ZNF565: variants seen among roughly 807,000 people sequenced by gnomAD.
ZNF565 encodes zinc finger protein 565.
ZNF565 carries 27 observed loss-of-function variants against 39.4 expected under a neutral mutation model. The ratio of observed to expected loss-of-function variants is 0.69; its 90% CI spans 0.51 to 0.95. The LOEUF is 0.95. Among genes scored for constraint, ZNF565 ranks in the 40% least tolerant of loss-of-function variants. ZNF565 has a pLI of 0.00. For synonymous variants in ZNF565, 185 were observed against 216.6 expected (o/e 0.85, Z 1.28); for missense variants, 524 against 621.1 (o/e 0.84, Z 1.66).
At position 36,194,210 on chromosome 19, in the gene ZNF565, T is replaced by C. The variant is rs201767697; in HGVS notation, c.232+23A>G. On this transcript the variant is annotated intron_variant, in intron 4 of 4. Coordinates refer to ENST00000304116, the MANE Select transcript of ZNF565 (RefSeq NM_152477.5). The stretch of plus-strand genomic sequence containing the variant: ...GTCGACTCATCCAGGGACCTTCCCC[T>C]GTCGAAATCGGCCCTCGCTTACCTG... 4.0e-5 allele frequency: 64 copies of C among 1,593,734 alleles called. No homozygotes were observed. In the East Asian group the frequency reaches 1.0e-3, roughly 26 times the overall value.
chr19:36,198,456 G>A (rs891318654), intron 2 of ZNF565, among the ~76,000 whole-genome samples: 2 of 152,172 alleles, frequency 1.3e-5, no homozygotes, highest in African/African-American at 4.8e-5. Context: ...GTCATAGAGA[G>A]TAGAAGGATG....
chr19:36,220,540 A>AT (rs1358656611), intron 1 of ZNF565, among the ~76,000 whole-genome samples: 1 of 151,750 alleles, frequency 6.6e-6, no homozygotes, highest in Admixed American at 6.6e-5. Flanking sequence ...AAGTTTTTGT[A>AT]TTTTTAGTAG....
intron 1 of ZNF565, among the ~76,000 whole-genome samples, chr19:36,228,096 G>T (rs932169389): frequency 4.6e-5 from 7 of 151,166 alleles, no homozygotes; most frequent in African/African-American, 1.5e-4. Flanking sequence ...GGAGGCGGTG[G>T]TTGCAGTGGG....
chr19:36,234,361 C>CAA (rs374641166), intron 1 of ZNF565, among the ~76,000 whole-genome samples: 25 of 150,318 alleles, frequency 1.7e-4, no homozygotes, highest in African/African-American at 5.6e-4. Flanking sequence ...AAGACTGTCT[C>CAA]AAAAAAAAAG....
chr19:36,195,227 T>G (rs1238912013), intron 2 of ZNF565, 71 bp from the exon 3 acceptor site: 2 of 1,550,384 alleles, frequency 1.3e-6, no homozygotes, highest in African/African-American at 2.7e-5. Flanking sequence ...ATTTTCAAGA[T>G]GCACAAAAGT....
rs370939032 is a variant in ZNF565, at chr19:36,240,182, T to C, written c.55+5294A>G. ...CCCTGGATGGAAAGTGTTTAAAATA[T>C]ACAACAATTTTAAAAATACAAATGT... On this transcript the variant is annotated intron_variant, in intron 1 of 4. Transcript: ENST00000355114. 5.3e-5 allele frequency among the ~76,000 whole-genome samples: 8 copies of C among 152,356 alleles called. No individual in the cohort carries two copies. In the East Asian group the frequency reaches 1.5e-3, roughly 29 times the overall value.
intron 3 of ZNF565, chr19:36,194,804 G>C (rs1975696944): frequency 4.6e-6 from 3 of 651,550 alleles, no homozygotes; most frequent in African/African-American, 1.8e-5. Flanking sequence ...GGAGGAGAGA[G>C]AGCACCAGGC....
intron 4 of ZNF565, among the ~76,000 whole-genome samples, 166 bp from the exon 5 acceptor site, chr19:36,183,899 G>A (rs1161580353): frequency 2.0e-5 from 3 of 151,664 alleles, no homozygotes; most frequent in Non-Finnish European, 2.9e-5. Context: ...CCAAGATGGT[G>A]AAACCCTGTC....
Position 36,182,379 on chromosome 19 carries a change from A to G in ZNF565, c.*87T>C. The G allele has an allele frequency of 8.5e-7, 1 of 1,181,608 alleles. No individual in the cohort carries two copies. The highest frequency in any genetic ancestry group is 2.1e-5 in the South Asian group (1 of 47,402). The allele number at this position is 1,181,608 out of a possible 1,614,324, so 73.2% of individuals were successfully genotyped here. A position where few individuals can be genotyped will look rare whatever the true frequency, so the allele number is the denominator to read the frequency against. On this transcript the variant is annotated 3_prime_UTR_variant, in exon 5 of 5. Transcript: ENST00000304116. The stretch of plus-strand genomic sequence containing the variant: ...AAGTGACAGGTGTTTTCTGACATTA[A>G]TTACACTACATTAAAAATTACCTAG...
At chr19:36,241,385 A>G in intron 1 of ZNF565, among the ~76,000 whole-genome samples, 1 of 151,324 alleles carries the variant, frequency 6.6e-6, no homozygotes, top group Non-Finnish European at 1.5e-5. Context: ...TTGGGAGGTT[A>G]AGGCAGGAGA....
At chr19:36,185,317 G>A (rs1381549367) in intron 4 of ZNF565, among the ~76,000 whole-genome samples, 1 of 151,692 alleles carries the variant, frequency 6.6e-6, no homozygotes, top group African/African-American at 2.4e-5. Context: ...GGGAGGCTGA[G>A]GCAGGAGAAT....
chr19:36,208,528 A>C (rs900964004), intron 1 of ZNF565, among the ~76,000 whole-genome samples: 1 of 152,134 alleles, frequency 6.6e-6, no homozygotes, highest in African/African-American at 2.4e-5. Flanking sequence ...CAGCAAAACC[A>C]TGCTGTTTTA....
At chr19:36,243,614 G>C (rs1370581255) in intron 1 of ZNF565, among the ~76,000 whole-genome samples, 1 of 152,178 alleles carries the variant, frequency 6.6e-6, no homozygotes, top group Non-Finnish European at 1.5e-5. Context: ...TGTGTGATGG[G>C]TTCAGGGAGC....
intron 2 of ZNF565, among the ~76,000 whole-genome samples, chr19:36,196,691 A>G (rs1048423207): frequency 2.0e-5 from 3 of 152,166 alleles, no homozygotes; most frequent in Non-Finnish European, 2.9e-5. Context: ...AAATGAGTCC[A>G]GGCTGGGCGT....
At chr19:36,202,169 C>G in intron 1 of ZNF565, 119 bp from the exon 2 acceptor site, 2 of 651,382 alleles carry the variant, frequency 3.1e-6, no homozygotes, top group Non-Finnish European at 5.5e-6. Flanking sequence ...CTGCTTCTCC[C>G]ACCTCTCCAT....
chr19:36,226,149 A>G (rs748331848), intron 1 of ZNF565, among the ~76,000 whole-genome samples: 1 of 152,110 alleles, frequency 6.6e-6, no homozygotes, highest in Non-Finnish European at 1.5e-5. Context: ...TTCTAGCCCT[A>G]TTCTGAGCTC....
intron 1 of ZNF565, among the ~76,000 whole-genome samples, chr19:36,232,641 C>T (rs1419697890): frequency 6.7e-6 from 1 of 150,052 alleles, no homozygotes; most frequent in East Asian, 1.9e-4. Context: ...CATAGTCTCC[C>T]TCTGTCACCC....
Position 36,223,342 on chromosome 19 carries a change from C to CAA in ZNF565, c.56-21294_56-21293dup, listed in dbSNP as rs375158030. Reference sequence around the variant, plus strand: ...TGGGCAACAGAGTGAGACTCCGTCTCAAAAAAAAAAAAAAATCTAGTTACA... The same window carrying CAA: ...TGGGCAACAGAGTGAGACTCCGTCTCAAAAAAAAAAAAAAAAATCTAGTTACA... On this transcript the variant is annotated intron_variant, in intron 1 of 4. Coordinates refer to the ZNF565 transcript ENST00000355114. 6.8e-4 allele frequency among the ~76,000 whole-genome samples: 90 copies of CAA among 131,766 alleles called. 1 individual carries two copies. In the Middle Eastern group the frequency reaches 0.012, roughly 17 times the overall value. 86.4% of individuals were successfully genotyped at this position (131,766 alleles called of 152,430 possible).
intron 1 of ZNF565, chr19:36,213,064 C>T (rs189179440): frequency 1.5e-5 from 2 of 134,406 alleles, no homozygotes; most frequent in East Asian, 4.6e-4. Context: ...CTGCCTAAAT[C>T]CAGTGTCACT....
Sources: gnomAD v4.1 joint callset for allele counts (sites outside exome capture counted in the v4.1 genomes callset) on GRCh38, gnomAD v4.1.1 for gene constraint, MANE v1.5 for transcripts, NCBI Gene and HGNC (gene_info 2026-07-23, HGNC 2026-07-21) for gene names.